The following COL22A1 variants were observed in gnomAD, a reference collection of about 807,000 sequenced individuals.
COL22A1 encodes collagen alpha-1(XXII) chain.
COL22A1 carries 221 observed loss-of-function variants against 248.9 expected under a neutral mutation model. The observed-to-expected ratio is 0.89, with a 90% CI of 0.80 to 0.99. The LOEUF (loss-of-function observed/expected upper bound fraction) is 0.99, where lower values mean the gene tolerates loss of function less well. Among genes scored for constraint, COL22A1 ranks in the 50% least tolerant of loss-of-function variants. The pLI is 0.00. For synonymous variants in COL22A1, 891 were observed against 793.4 expected (o/e 1.12, Z -2.07); for missense variants, 2,240 against 2,179.0 (o/e 1.03, Z -0.56).
chr8:138,832,732 C>A (rs1369513405), intron 5 of COL22A1, among the ~76,000 whole-genome samples: 1 of 152,142 alleles, frequency 6.6e-6, no homozygotes, highest in African/African-American at 2.4e-5. Context: ...CTAAACCATA[C>A]CCGTTTGTTA....
intron 1 of COL22A1, among the ~76,000 whole-genome samples, chr8:138,885,736 G>T (rs941499319): frequency 5.9e-5 from 9 of 151,934 alleles, no homozygotes; most frequent in South Asian, 2.1e-4. Flanking sequence ...GCTAGTTTTG[G>T]TTTTTTAATA....
intron 30 of COL22A1, among the ~76,000 whole-genome samples, chr8:138,711,833 CA>C (rs1828995057): frequency 6.6e-6 from 1 of 152,190 alleles, no homozygotes; most frequent in African/African-American, 2.4e-5. Flanking sequence ...GTGTGGGTGC[CA>C]TTCCTCCTGA....
intron 41 of COL22A1, among the ~76,000 whole-genome samples, chr8:138,672,849 G>A (rs1825152544): frequency 6.6e-6 from 1 of 152,140 alleles, no homozygotes; most frequent in African/African-American, 2.4e-5. Flanking sequence ...GCAAGTCCTG[G>A]GTTACATGTG....
At chr8:138,786,826 C>T (rs1036881575) in intron 12 of COL22A1, among the ~76,000 whole-genome samples, 2 of 152,148 alleles carry the variant, frequency 1.3e-5, no homozygotes, top group Non-Finnish European at 2.9e-5. Flanking sequence ...ATTGCTTGAA[C>T]CCAGGAGACG....
At chr8:138,759,157 G>A (rs953348463) in intron 18 of COL22A1, among the ~76,000 whole-genome samples, 1 of 152,220 alleles carries the variant, frequency 6.6e-6, no homozygotes, top group Non-Finnish European at 1.5e-5. Context: ...GAGTTTGGAA[G>A]ACATTAACTT....
intron 1 of COL22A1, among the ~76,000 whole-genome samples, chr8:138,883,902 G>A (rs1454845282): frequency 6.6e-6 from 1 of 152,012 alleles, no homozygotes; most frequent in Non-Finnish European, 1.5e-5. Context: ...ACCTAAAATC[G>A]TTCAGTGTCA....
chr8:138,878,901 G>A (rs565592243), intron 2 of COL22A1, among the ~76,000 whole-genome samples: 2 of 152,032 alleles, frequency 1.3e-5, no homozygotes, highest in African/African-American at 4.8e-5. Context: ...CCAGCTACTC[G>A]GGAGGCTGAG....
At chr8:138,621,925 G>A (rs899802329) in intron 52 of COL22A1, among the ~76,000 whole-genome samples, 4 of 152,168 alleles carry the variant, frequency 2.6e-5, no homozygotes, top group African/African-American at 7.2e-5. Context: ...ACAGTAGCTC[G>A]TTGAGACTTT....
chr8:138,821,954 T>C (rs141092737), intron 6 of COL22A1, among the ~76,000 whole-genome samples: 13 of 152,328 alleles, frequency 8.5e-5, no homozygotes, highest in Non-Finnish European at 1.9e-4. Flanking sequence ...GTCTGGGTCA[T>C]TGGGGTAGCC....
At chr8:138,724,195 A>G (rs1470526001) in intron 25 of COL22A1, among the ~76,000 whole-genome samples, 1 of 152,188 alleles carries the variant, frequency 6.6e-6, no homozygotes, top group Non-Finnish European at 1.5e-5. Flanking sequence ...CAGGTCTCTC[A>G]GTTTGCAAGG....
chr8:138,606,496 C>T (rs998862288), intron 57 of COL22A1, 44 bp from the exon 58 acceptor site: 1 of 1,583,170 alleles, frequency 6.3e-7, no homozygotes. Flanking sequence ...GGTCACGTAC[C>T]AACTCAAGCA....
At chr8:138,771,131 C>G (rs577208023) in intron 16 of COL22A1, among the ~76,000 whole-genome samples, 1 of 152,214 alleles carries the variant, frequency 6.6e-6, no homozygotes, top group South Asian at 2.1e-4. Flanking sequence ...GCTCTAGCCA[C>G]GGCCACGTCA....
chr8:138,866,181 C>T (rs1002890933), intron 3 of COL22A1, among the ~76,000 whole-genome samples: 6 of 152,226 alleles, frequency 3.9e-5, no homozygotes, highest in African/African-American at 1.4e-4. Flanking sequence ...CTTCCAGTAA[C>T]TGCGAGGTTG....
chr8:138,689,124 T>C (rs2130881496), intron 36 of COL22A1, among the ~76,000 whole-genome samples, 154 bp from the exon 37 acceptor site: 1 of 146,250 alleles, frequency 6.8e-6, no homozygotes, highest in Non-Finnish European at 1.5e-5. Flanking sequence ...TCCCCAAAGC[T>C]CCACCTCCTC....
At chr8:138,662,152 G>A (rs1043298879) in intron 42 of COL22A1, 69 bp from the exon 43 acceptor site, 6 of 1,306,714 alleles carry the variant, frequency 4.6e-6, no homozygotes, top group African/African-American at 1.5e-5. Flanking sequence ...ACCCTCCTTG[G>A]CAATAGTTGG....
chr8:138,734,988 G>A (rs570941735), intron 23 of COL22A1, among the ~76,000 whole-genome samples: 22 of 152,250 alleles, frequency 1.4e-4, no homozygotes, highest in South Asian at 4.2e-4. Context: ...GACACAGGGA[G>A]GGGAACATCA....
intron 30 of COL22A1, among the ~76,000 whole-genome samples, chr8:138,713,086 C>T (rs1231748431): frequency 6.6e-6 from 1 of 152,206 alleles, no homozygotes; most frequent in East Asian, 1.9e-4. Flanking sequence ...TGTCTGGACT[C>T]ACACCCACCC....
intron 47 of COL22A1, among the ~76,000 whole-genome samples, chr8:138,637,176 G>T (rs1821255246): frequency 2.0e-5 from 3 of 152,124 alleles, no homozygotes; most frequent in Admixed American, 1.3e-4. Context: ...GTGTGGGATA[G>T]GCTAGTGGTC....
intron 7 of COL22A1, among the ~76,000 whole-genome samples, chr8:138,819,693 T>C (rs1818949629): frequency 6.8e-6 from 1 of 148,148 alleles, no homozygotes; most frequent in East Asian, 1.9e-4. Context: ...ATAATGTATG[T>C]ATATGTTTAT....
Sources: gnomAD v4.1 joint callset for allele counts (sites outside exome capture counted in the v4.1 genomes callset) on GRCh38, gnomAD v4.1.1 for gene constraint, MANE v1.5 for transcripts, NCBI Gene and HGNC (gene_info 2026-07-23, HGNC 2026-07-21) for gene names.